Variants in LRPPRC observed in about 807,000 individuals in gnomAD.
LRPPRC encodes leucine-rich PPR motif-containing protein, mitochondrial.
LRPPRC carries 120 observed loss-of-function variants against 180.3 expected under a neutral mutation model. The observed-to-expected ratio is 0.67, with a 90% CI of 0.57 to 0.77. LRPPRC has a LOEUF of 0.77. Among genes scored for constraint, LRPPRC ranks in the 30% least tolerant of loss-of-function variants. LRPPRC has a pLI of 0.00. For missense variants in LRPPRC, 2,012 were observed against 1,657.2 expected (o/e 1.21, Z -3.72); for synonymous variants, 723 against 600.0 (o/e 1.21, Z -3.00).
At chr2:43,988,640 T>A (rs1191886307) in intron 1 of LRPPRC, among the ~76,000 whole-genome samples, 1 of 152,276 alleles carries the variant, frequency 6.6e-6, no homozygotes, top group East Asian at 1.9e-4. Flanking sequence ...TTTTTTGAGA[T>A]GGAGTCTCGC....
At chr2:43,933,243 T>C (rs1672153942) in intron 25 of LRPPRC, among the ~76,000 whole-genome samples, 1 of 152,184 alleles carries the variant, frequency 6.6e-6, no homozygotes, top group South Asian at 2.1e-4. Flanking sequence ...CACCGTTCTC[T>C]TCTTCAAAAA....
At chr2:43,903,754 G>C (rs745929578) in intron 31 of LRPPRC, 16 of 152,232 alleles carry the variant, frequency 1.1e-4, no homozygotes, top group Middle Eastern at 3.4e-3. Context: ...TCCAGCTGAA[G>C]AAATCTGGGT....
rs1673920014 is a variant in LRPPRC, at chr2:43,973,703, CT to C, written c.1272del (p.Ala425ProfsTer2). 2 of 1,613,224 alleles carry C rather than the reference CT, an allele frequency of 1.2e-6. No individual in the cohort carries two copies. Among genetic ancestry groups the C allele is most frequent in the Non-Finnish European group, 1.7e-6 (2 of 1,179,166 alleles). On this transcript the variant is annotated frameshift_variant, in exon 11 of 38. Coordinates refer to ENST00000260665, the MANE Select transcript of LRPPRC (RefSeq NM_133259.4). LOFTEE classifies it high-confidence loss of function. The stretch of plus-strand genomic sequence containing the variant: ...TCCTCCTTCACAGCCTTCATTAAGG[CT>C]TTTGCCAAATCTGAAAGAGATATCA... ...ALLANKTDLA[K>X]ALMKAVKEEG...
At chr2:43,984,583 G>T (rs904528608) in intron 1 of LRPPRC, among the ~76,000 whole-genome samples, 4 of 152,126 alleles carry the variant, frequency 2.6e-5, no homozygotes, top group Middle Eastern at 3.2e-3. Flanking sequence ...TTTAACCAAA[G>T]AAGTCTTCAC....
At chr2:43,970,394 T>A (rs1673752050) in intron 11 of LRPPRC, among the ~76,000 whole-genome samples, 1 of 152,216 alleles carries the variant, frequency 6.6e-6, no homozygotes, top group African/African-American at 2.4e-5. Context: ...GTTCAGTAAC[T>A]ATAGTCAGAT....
At chr2:43,955,481 A>G (rs1401067973) in intron 14 of LRPPRC, among the ~76,000 whole-genome samples, 1 of 149,872 alleles carries the variant, frequency 6.7e-6, no homozygotes, top group Admixed American at 6.7e-5. Flanking sequence ...AAAGAAAAAA[A>G]AAAAAAAAAA....
intron 1 of LRPPRC, among the ~76,000 whole-genome samples, chr2:43,990,549 C>T (rs917777904): frequency 6.6e-6 from 1 of 152,272 alleles, no homozygotes; most frequent in East Asian, 1.9e-4. Context: ...TCCACCACAT[C>T]CCACACAGCT....
At chr2:43,946,059 G>C in intron 21 of LRPPRC, 54 bp downstream of exon 21, 1 of 1,560,544 alleles carries the variant, frequency 6.4e-7, no homozygotes, top group Non-Finnish European at 8.8e-7. Context: ...AATCTATCAA[G>C]GTCTGTAGAG....
chr2:43,949,550 A>G, intron 16 of LRPPRC, 52 bp downstream of exon 16: 2 of 1,394,182 alleles, frequency 1.4e-6, no homozygotes, highest in Non-Finnish European at 2.0e-6. Flanking sequence ...CCATCATTAC[A>G]CAGAAAAATG....
At chr2:43,965,951 A>G (rs1673537627) in intron 11 of LRPPRC, among the ~76,000 whole-genome samples, 1 of 152,210 alleles carries the variant, frequency 6.6e-6, no homozygotes, top group South Asian at 2.1e-4. Flanking sequence ...TAGAAGTAGA[A>G]TTACCAACAA....
chr2:43,947,742 C>A lies in LRPPRC; in HGVS notation c.1954G>T (p.Asp652Tyr). Residue 652 changes from aspartate to tyrosine, a missense_variant, in exon 19 of 38, where the codon GAC becomes TAC. Coordinates refer to ENST00000260665, the MANE Select transcript of LRPPRC (RefSeq NM_133259.4). ...AHLLVESKNL[D>Y]FQKTVQLTSS... The stretch of plus-strand genomic sequence containing the variant: ...AAAATCCTACTTACTTTTTGAAAGT[C>A]TAAATTCTTACTCTCAACCAACAAG... The A allele has an allele frequency of 6.3e-7, 1 of 1,582,400 alleles. No homozygotes were observed. The highest frequency in any genetic ancestry group is 1.1e-5 in the South Asian group (1 of 90,312).
At chr2:43,919,317 G>A (rs773364763) in intron 27 of LRPPRC, among the ~76,000 whole-genome samples, 1 of 152,138 alleles carries the variant, frequency 6.6e-6, no homozygotes, top group African/African-American at 2.4e-5. Context: ...AAGGTTGGGG[G>A]CTGCTGCCGT....
intron 14 of LRPPRC, among the ~76,000 whole-genome samples, chr2:43,951,462 T>C (rs1044076516): frequency 7.9e-5 from 12 of 152,204 alleles, no homozygotes; most frequent in African/African-American, 2.9e-4. Flanking sequence ...CATGGTTCCT[T>C]TGCTGTATCC....
At chr2:43,926,687 A>G (rs960049357) in intron 25 of LRPPRC, among the ~76,000 whole-genome samples, 1 of 152,200 alleles carries the variant, frequency 6.6e-6, no homozygotes, top group Non-Finnish European at 1.5e-5. Context: ...TTTCTCATTT[A>G]CACGCTCTCT....
chr2:43,996,178 T>A (rs1675072667), upstream of LRPPRC, among the ~76,000 whole-genome samples: 1 of 152,200 alleles, frequency 6.6e-6, no homozygotes, highest in Non-Finnish European at 1.5e-5. Flanking sequence ...AAGCTTTTCT[T>A]TTCCGTCTTC....
intron 27 of LRPPRC, among the ~76,000 whole-genome samples, chr2:43,921,679 C>G (rs370441115): frequency 1.3e-5 from 2 of 152,184 alleles, no homozygotes; most frequent in Non-Finnish European, 1.5e-5. Flanking sequence ...GTGGTGGACA[C>G]AATGACATTT....
intron 33 of LRPPRC, 53 bp downstream of exon 33, chr2:43,899,413 T>C: frequency 6.2e-7 from 1 of 1,611,630 alleles, no homozygotes. Flanking sequence ...TGGTCTAGTC[T>C]CACTAGAGAG....
chr2:43,936,377 G>T (rs184630708), intron 23 of LRPPRC, among the ~76,000 whole-genome samples: 62 of 152,314 alleles, frequency 4.1e-4, no homozygotes, highest in African/African-American at 1.5e-3. Context: ...TATGAAAAGA[G>T]AGTATGAAAG....
chr2:43,915,954 T>G (rs1326948996), intron 29 of LRPPRC, among the ~76,000 whole-genome samples: 3 of 152,064 alleles, frequency 2.0e-5, no homozygotes, highest in African/African-American at 7.2e-5. Context: ...TCTGAACAGA[T>G]GGGATACCAC....
Sources: gnomAD v4.1 joint callset for allele counts (sites outside exome capture counted in the v4.1 genomes callset) on GRCh38, gnomAD v4.1.1 for gene constraint, MANE v1.5 for transcripts, NCBI Gene and HGNC (gene_info 2026-07-23, HGNC 2026-07-21) for gene names.